PTPRA: variants seen among roughly 807,000 people sequenced by gnomAD.
PTPRA encodes the protein protein tyrosine phosphatase receptor type A.
In PTPRA, 25 loss-of-function variants were observed where a neutral mutation model predicts 104.8. That is an observed-to-expected ratio of 0.24 (90% CI 0.17 to 0.33). PTPRA has a LOEUF of 0.33. Ranked by LOEUF, PTPRA falls within the 10% of genes least tolerant of loss-of-function variation. PTPRA has a pLI of 1.00. For missense variants in PTPRA, 765 were observed against 1,015.3 expected, an observed-to-expected ratio of 0.75 and a Z score of 3.35; for synonymous variants, 323 against 368.9, an observed-to-expected ratio of 0.88 and a Z score of 1.43.
At chr20:2,987,946 C>T (rs1194550372) in intron 7 of PTPRA, 86 bp from the exon 8 acceptor site, 1 of 1,250,802 alleles carries the variant, frequency 8.0e-7, no homozygotes, top group South Asian at 1.2e-5. Context: ...TTTAGAAAGG[C>T]TGAATTGATG....
At chr20:2,901,502 G>A (rs944476732) in intron 1 of PTPRA, among the ~76,000 whole-genome samples, 9 of 152,116 alleles carry the variant, frequency 5.9e-5, no homozygotes, top group African/African-American at 2.2e-4. Flanking sequence ...TACGACTGCT[G>A]GTTTAAGAAA....
At chr20:2,878,667 G>A (rs377048962) in intron 1 of PTPRA, among the ~76,000 whole-genome samples, 61 of 152,322 alleles carry the variant, frequency 4.0e-4, no homozygotes, top group African/African-American at 1.4e-3. Context: ...AGAGGATACA[G>A]TTTCGGTGCC....
intron 2 of PTPRA, among the ~76,000 whole-genome samples, chr20:2,938,932 C>G (rs1600142440): frequency 6.6e-6 from 1 of 152,042 alleles, no homozygotes; most frequent in African/African-American, 2.4e-5. Flanking sequence ...TTTTCATGTT[C>G]CTGGTATAAT....
At chr20:2,910,897 AC>A (rs2059700102) in intron 1 of PTPRA, among the ~76,000 whole-genome samples, 1 of 143,072 alleles carries the variant, frequency 7.0e-6, no homozygotes, top group South Asian at 2.2e-4. Flanking sequence ...GAGCCACCGC[AC>A]CCGGCCTACT....
At chr20:2,904,194 T>C (rs1035037824) in intron 1 of PTPRA, among the ~76,000 whole-genome samples, 11 of 152,186 alleles carry the variant, frequency 7.2e-5, no homozygotes, top group Admixed American at 2.6e-4. Flanking sequence ...ATTACAGTTA[T>C]GAGCCATGGC....
At chr20:2,990,425 T>A (rs766891908) in intron 9 of PTPRA, among the ~76,000 whole-genome samples, 1 of 152,204 alleles carries the variant, frequency 6.6e-6, no homozygotes, top group South Asian at 2.1e-4. Flanking sequence ...TCCAGATTAC[T>A]CCTGGGTCAA....
At chr20:2,930,573 G>A (rs2060469087) in intron 2 of PTPRA, among the ~76,000 whole-genome samples, 1 of 152,104 alleles carries the variant, frequency 6.6e-6, no homozygotes, top group East Asian at 1.9e-4. Context: ...TCCTTCTTGG[G>A]GGGAATCTGT....
chr20:2,903,403 T>C (rs1285687123), intron 1 of PTPRA, among the ~76,000 whole-genome samples: 1 of 152,164 alleles, frequency 6.6e-6, no homozygotes, highest in African/African-American at 2.4e-5. Flanking sequence ...AATAGAATTA[T>C]TGGCTGGGTG....
chr20:2,944,485 A>G (rs1437151846), intron 2 of PTPRA, among the ~76,000 whole-genome samples: 2 of 152,210 alleles, frequency 1.3e-5, no homozygotes, highest in African/African-American at 2.4e-5. Context: ...AAGTGAGCCA[A>G]AGCTTCTCAC....
chr20:2,948,858 A>G (rs758438317), intron 3 of PTPRA, among the ~76,000 whole-genome samples: 6 of 152,092 alleles, frequency 3.9e-5, no homozygotes, highest in Non-Finnish European at 8.8e-5. Flanking sequence ...AGGCTGAGGC[A>G]GGAGAATGGC....
intron 2 of PTPRA, among the ~76,000 whole-genome samples, chr20:2,930,382 T>C (rs2060463731): frequency 6.6e-6 from 1 of 152,154 alleles, no homozygotes; most frequent in Non-Finnish European, 1.5e-5. Flanking sequence ...TTACACCAGT[T>C]TGACTTTAAC....
At chr20:2,962,407 A>G (rs1429364211) in intron 3 of PTPRA, among the ~76,000 whole-genome samples, 1 of 152,156 alleles carries the variant, frequency 6.6e-6, no homozygotes, top group African/African-American at 2.4e-5. Flanking sequence ...TTTTAAACCT[A>G]TGTGGAATTT....
intron 9 of PTPRA, among the ~76,000 whole-genome samples, chr20:2,994,284 A>C (rs1413680124): frequency 6.6e-6 from 1 of 152,108 alleles, no homozygotes; most frequent in Non-Finnish European, 1.5e-5. Flanking sequence ...CTGGGTCTGA[A>C]ATGACCCAGG....
chr20:2,936,277 C>G (rs2060698003), intron 2 of PTPRA, among the ~76,000 whole-genome samples: 1 of 152,174 alleles, frequency 6.6e-6, no homozygotes, highest in Admixed American at 6.5e-5. Flanking sequence ...CTGAGTGACA[C>G]ATAACTATAT....
At chr20:3,019,261 C>A (rs1181479928) in intron 13 of PTPRA, among the ~76,000 whole-genome samples, 1 of 150,772 alleles carries the variant, frequency 6.6e-6, no homozygotes, top group South Asian at 2.1e-4. Flanking sequence ...GCTGACCCCC[C>A]CACCTCCCTC....
chr20:2,881,517 G>C (rs939980716), intron 1 of PTPRA, among the ~76,000 whole-genome samples: 8 of 151,962 alleles, frequency 5.3e-5, no homozygotes, highest in Non-Finnish European at 1.0e-4. Context: ...TATATTTTGA[G>C]GGTTTTTTGC....
chr20:2,987,757 G>A (rs1190054260), intron 7 of PTPRA, among the ~76,000 whole-genome samples: 2 of 152,204 alleles, frequency 1.3e-5, no homozygotes, highest in African/African-American at 4.8e-5. Context: ...TCTACCTGGT[G>A]TGGCTGTGCT....
Position 2,873,521 on chromosome 20 carries a change from G to A in PTPRA, c.-368G>A, listed in dbSNP as rs1248213939. ...CTGCGGCGAGTGCGGCGCTGACAGA[G>A]ACGCGCGCGCGCGCGATCGCGCTCG... On this transcript the variant is annotated 5_prime_UTR_variant, in exon 1 of 24. Coordinates refer to ENST00000399903, the MANE Select transcript of PTPRA (RefSeq NM_001385305.1). The surrounding 1 kb of genome is among the most constrained non-coding windows in gnomAD (Gnocchi z 4.4). The A allele has an allele frequency of 6.6e-6, 1 of 151,904 alleles. No individual in the cohort carries two copies. Among genetic ancestry groups the A allele is most frequent in the Non-Finnish European group, 1.5e-5 (1 of 67,908 alleles). 9.4% of individuals were successfully genotyped at this position (151,904 alleles called of 1,614,324 possible).
intron 5 of PTPRA, among the ~76,000 whole-genome samples, chr20:2,967,294 G>A (rs538357342): frequency 1.9e-4 from 29 of 152,226 alleles, no homozygotes; most frequent in African/African-American, 6.7e-4. Flanking sequence ...CTGAGACTAT[G>A]TTTCTCTAGT....
Sources: allele counts gnomAD v4.1 joint callset (sites outside exome capture counted in the v4.1 genomes callset), GRCh38; gene constraint gnomAD v4.1.1; non-coding constraint Gnocchi (gnomAD v3.1); transcripts MANE v1.5; gene names NCBI Gene and HGNC (gene_info 2026-07-23, HGNC 2026-07-21).